Variants in OSBPL3 observed in about 807,000 individuals in gnomAD.
OSBPL3 encodes the protein oxysterol-binding protein-related protein 3.
Under a neutral mutation model 120.1 loss-of-function variants are expected in OSBPL3, and 65 were observed. The ratio of observed to expected loss-of-function variants is 0.54; its 90% CI spans 0.44 to 0.67. OSBPL3 has a LOEUF of 0.67. OSBPL3 is among the 30% of genes least tolerant of loss of function. OSBPL3 has a pLI of 0.00. For missense variants in OSBPL3, 1,004 were observed against 1,082.1 expected, an observed-to-expected ratio of 0.93 and a Z score of 1.01; for synonymous variants, 416 against 402.6, an observed-to-expected ratio of 1.03 and a Z score of -0.40.
chr7:24,863,263 T>C lies in OSBPL3; in HGVS notation c.807A>G (p.Glu269=), dbSNP rs754547315. ...QGGSFESPKK[E]KRSHRRWRSR... The stretch of plus-strand genomic sequence containing the variant: ...ACCGCCACCTCCTGTGCGATCTTTT[T>C]TCCTTTTTGGGACTTTCAAAAGATC... The change falls in exon 9 of 23, where the codon GAA becomes GAG. Residue 269 remains glutamate (E), a synonymous_variant. Transcript: ENST00000313367. This position sits in a 1 kb window ranked among gnomAD's most constrained non-coding sequence, Gnocchi z 5.8. 3 of 1,614,188 alleles carry C rather than the reference T, an allele frequency of 1.9e-6. No homozygotes were observed. The South Asian group carries it at 3.3e-5, about 18-fold the overall frequency.
At position 24,863,292 on chromosome 7, in the gene OSBPL3, C is replaced by T. The variant is rs114339772; in HGVS notation, c.778G>A (p.Gly260Ser). 156 of 1,613,202 alleles carry T rather than the reference C, an allele frequency of 9.7e-5. No homozygotes were observed. The African/African-American group carries it at 1.7e-3, about 17-fold the overall frequency. The stretch of plus-strand genomic sequence containing the variant: ...TTTTTGGGACTTTCAAAAGATCCAC[C>T]CTTTGTTTCAAAACAGGAAAGAGAG... ...YSAPAINAIQ[G>S]GSFESPKKEK... The change falls in exon 9 of 23, where the codon GGT becomes AGT. Residue 260 changes from glycine (G) to serine (S), a missense_variant and splice_region_variant. Transcript: ENST00000313367. This position sits in a 1 kb window ranked among gnomAD's most constrained non-coding sequence, Gnocchi z 5.8.
At position 24,946,129 on chromosome 7, in the gene OSBPL3, G is replaced by GTCAGCTGGGAGC. The variant is rs112248762; in HGVS notation, c.-150+33745_-150+33756dup. On this transcript the variant is annotated intron_variant, in intron 1 of 22. Coordinates refer to ENST00000313367, the MANE Select transcript of OSBPL3 (RefSeq NM_015550.4). This position sits in a 1 kb window ranked among gnomAD's most constrained non-coding sequence, Gnocchi z 4.3. ...CCAAGGCTGGTAGTCAATGCCGGCT[G>GTCAGCTGGGAGC]TCAGCTGGGAGCTCAGCTGGGAGCT... is the stretch of plus-strand genomic sequence containing the variant. Among the ~76,000 whole-genome samples the GTCAGCTGGGAGC allele has an allele frequency of 6.9e-6, 1 of 144,516 alleles. No individual in the cohort carries two copies. The highest frequency in any genetic ancestry group is 1.5e-5 in the Non-Finnish European group (1 of 67,892). 94.8% of individuals were successfully genotyped at this position (144,516 alleles called of 152,430 possible). A position where few individuals can be genotyped will look rare whatever the true frequency, so the allele number is the denominator to read the frequency against.
intron 2 of OSBPL3, among the ~76,000 whole-genome samples, chr7:24,886,141 C>T (rs1804499979): frequency 6.6e-6 from 1 of 152,104 alleles, no homozygotes. Context: ...GAATGTTTCC[C>T]CTATGCTAGT....
intron 22 of OSBPL3, 152 bp from the exon 23 acceptor site, chr7:24,800,431 A>T: frequency 2.4e-5 from 10 of 409,694 alleles, no homozygotes; most frequent in East Asian, 1.4e-4. Flanking sequence ...TGGGAATTAG[A>T]TGTCCAGAAA....
rs1000601788 is a variant in OSBPL3 at position 24,967,524 on chromosome 7, C to T, written c.-150+12362G>A. Among the ~76,000 whole-genome samples the T allele has an allele frequency of 4.6e-5, 7 of 152,154 alleles. No homozygotes were observed. The highest frequency in any genetic ancestry group is 4.6e-4 in the Admixed American group (7 of 15,270). Reference sequence around the variant, plus strand: ...CTCAACGGTTATCATGGAAAAAGTACCCACCCCAGAGAATGATTGTGAGAA... The same window carrying T: ...CTCAACGGTTATCATGGAAAAAGTATCCACCCCAGAGAATGATTGTGAGAA... On this transcript the variant is annotated intron_variant, in intron 1 of 22. Coordinates refer to ENST00000313367, the MANE Select transcript of OSBPL3 (RefSeq NM_015550.4). This position sits in a 1 kb window ranked among gnomAD's most constrained non-coding sequence, Gnocchi z 5.6.
chr7:24,823,950 T>C (rs1326832727), intron 16 of OSBPL3, among the ~76,000 whole-genome samples: 1 of 152,238 alleles, frequency 6.6e-6, no homozygotes, highest in African/African-American at 2.4e-5. Context: ...GAGTCTGTAT[T>C]CTCCTTACAT....
chr7:24,861,127 G>A (rs1285966182), intron 10 of OSBPL3, among the ~76,000 whole-genome samples: 1 of 152,168 alleles, frequency 6.6e-6, no homozygotes, highest in African/African-American at 2.4e-5. Flanking sequence ...TCTAATAGGT[G>A]TGTAGTGATA....
At position 24,871,698 on chromosome 7, in the gene OSBPL3, T is replaced by G. The variant is rs758030505; in HGVS notation, c.267+44A>C. 10 of 1,437,844 alleles carry G rather than the reference T, an allele frequency of 7.0e-6. No homozygotes were observed. Among genetic ancestry groups the G allele is most frequent in the Middle Eastern group, 1.8e-4 (1 of 5,702 alleles). 89.1% of individuals were successfully genotyped at this position (1,437,844 alleles called of 1,614,324 possible). A position where few individuals can be genotyped will look rare whatever the true frequency, so the allele number is the denominator to read the frequency against. ...TCATCTCTGAGCTGATGGTTACCCC[T>G]TTAGGATTCTTCAATACCACAGTGG... On this transcript the variant is annotated intron_variant, in intron 4 of 22. Transcript: ENST00000313367. This position sits in a 1 kb window ranked among gnomAD's most constrained non-coding sequence, Gnocchi z 4.8.
chr7:24,847,190 G>C (rs1798558999), intron 12 of OSBPL3, among the ~76,000 whole-genome samples: 1 of 152,136 alleles, frequency 6.6e-6, no homozygotes, highest in Admixed American at 6.5e-5. Context: ...AGTACCAGAG[G>C]TAACCGGGAG....
intron 1 of OSBPL3, among the ~76,000 whole-genome samples, chr7:24,950,875 A>G (rs938054337): frequency 5.3e-5 from 8 of 152,234 alleles, no homozygotes; most frequent in African/African-American, 1.7e-4. Context: ...AGGACTGTTT[A>G]AAGTCAATGC....
chr7:24,816,728 G>C (rs770297823), intron 17 of OSBPL3, 40 bp from the exon 18 acceptor site: 1 of 1,309,594 alleles, frequency 7.6e-7, no homozygotes, highest in South Asian at 1.2e-5. Flanking sequence ...TAGCAGGAGA[G>C]GTAGGTAGAT....
intron 1 of OSBPL3, among the ~76,000 whole-genome samples, chr7:24,957,445 A>T (rs1815205219): frequency 6.6e-6 from 1 of 152,194 alleles, no homozygotes; most frequent in Non-Finnish European, 1.5e-5. Flanking sequence ...ATCTAGGTTG[A>T]ACAGCTGAAA....
chr7:24,809,365 G>A (rs1262889547), intron 20 of OSBPL3, among the ~76,000 whole-genome samples: 2 of 152,220 alleles, frequency 1.3e-5, no homozygotes, highest in African/African-American at 2.4e-5. Flanking sequence ...CAGGAGTGAT[G>A]AGGATGGCTT....
At chr7:24,943,604 C>T (rs1302221496) in intron 1 of OSBPL3, among the ~76,000 whole-genome samples, 1 of 152,166 alleles carries the variant, frequency 6.6e-6, no homozygotes, top group African/African-American at 2.4e-5. Context: ...AACACTATAA[C>T]TCTGTATCTC....
Position 24,815,246 on chromosome 7 carries a change from C to G in OSBPL3, c.2028-43G>C. On this transcript the variant is annotated intron_variant, in intron 18 of 22. Transcript: ENST00000313367. This position sits in a 1 kb window ranked among gnomAD's most constrained non-coding sequence, Gnocchi z 5.1. The stretch of plus-strand genomic sequence containing the variant: ...GTAGAAGTACCAATTTCTAGAAGAG[C>G]CAGCAGCAAATGCAAACAAACTCTG... 1 of 1,550,992 alleles carries G rather than the reference C, an allele frequency of 6.4e-7. No individual in the cohort carries two copies. The highest frequency in any genetic ancestry group is 8.9e-7 in the Non-Finnish European group (1 of 1,129,616).
intron 1 of OSBPL3, among the ~76,000 whole-genome samples, chr7:24,907,027 A>T (rs553285146): frequency 3.9e-5 from 6 of 152,136 alleles, no homozygotes; most frequent in African/African-American, 1.4e-4. Context: ...CCCACCCTCT[A>T]TTAATCCAAC....
In OSBPL3 at chr7:24,883,676, G is replaced by T. The variant is rs920944022; in HGVS notation, c.96+8701C>A. Among the ~76,000 whole-genome samples, 3 of 152,162 alleles carry T rather than the reference G, an allele frequency of 2.0e-5. No individual in the cohort carries two copies. The highest frequency in any genetic ancestry group is 7.2e-5 in the African/African-American group (3 of 41,424). On this transcript the variant is annotated intron_variant, in intron 2 of 22. Coordinates refer to ENST00000313367, the MANE Select transcript of OSBPL3 (RefSeq NM_015550.4). This position sits in a 1 kb window ranked among gnomAD's most constrained non-coding sequence, Gnocchi z 5.4. ...TATTCCAGGATTGCAGAACAATACA[G>T]ACAGTTCAGCAACTTTCTGGAAGTG...
intron 1 of OSBPL3, among the ~76,000 whole-genome samples, chr7:24,941,843 T>C (rs76368792): frequency 7.5e-4 from 115 of 152,348 alleles, no homozygotes; most frequent in South Asian, 5.4e-3. Context: ...AGTGGTGGTA[T>C]TGAAGGCCTC....
At chr7:24,931,795 G>A (rs1811824577) in intron 1 of OSBPL3, among the ~76,000 whole-genome samples, 1 of 152,142 alleles carries the variant, frequency 6.6e-6, no homozygotes, top group Admixed American at 6.5e-5. Flanking sequence ...ATAAAGAGAA[G>A]TATGAAACAG....
Sources: gnomAD v4.1 joint callset for allele counts (sites outside exome capture counted in the v4.1 genomes callset) on GRCh38, gnomAD v4.1.1 for gene constraint, Gnocchi (gnomAD v3.1) non-coding constraint, MANE v1.5 for transcripts, NCBI Gene and HGNC (gene_info 2026-07-23, HGNC 2026-07-21) for gene names.